LAMC1: variants seen among roughly 807,000 people sequenced by gnomAD.
The protein encoded by LAMC1 is laminin subunit gamma-1.
LAMC1 carries 38 observed loss-of-function variants against 173.6 expected under a neutral mutation model. The ratio of observed to expected loss-of-function variants is 0.22; its 90% CI spans 0.17 to 0.29. The LOEUF is 0.29. LAMC1 is among the 10% of genes least tolerant of loss of function. The probability of loss-of-function intolerance (pLI) is 1.00; values close to 1 mark genes in which losing one functional copy is unlikely to be tolerated. For synonymous variants in LAMC1, 746 were observed against 749.1 expected (o/e 1.00, Z 0.07); for missense variants, 1,824 against 2,051.8 (o/e 0.89, Z 2.14).
In LAMC1 at chr1:183,023,743, G is replaced by A. The variant is rs1329107817; in HGVS notation, c.27G>A (p.Pro9=). 1.7e-6 allele frequency: 2 copies of A among 1,204,118 alleles called. No individual in the cohort carries two copies. Among genetic ancestry groups the A allele is most frequent in the African/African-American group, 1.6e-5 (1 of 62,736 alleles). 74.6% of individuals were successfully genotyped at this position (1,204,118 alleles called of 1,614,324 possible). A position where few individuals can be genotyped will look rare whatever the true frequency, so the allele number is the denominator to read the frequency against. The change falls in exon 1 of 28, where the codon CCG becomes CCA. Residue 9 remains proline, a synonymous_variant. Coordinates refer to ENST00000258341, the MANE Select transcript of LAMC1 (RefSeq NM_002293.4). ...TGAGAGGGAGCCATCGGGCCGCGCC[G>A]GCCCTGCGGCCCCGGGGGCGGCTCT... MRGSHRAA[P]ALRPRGRLWP... is the part of the protein sequence containing the mutation.
chr1:183,115,868 T>C (rs945045499), intron 6 of LAMC1, among the ~76,000 whole-genome samples: 1 of 152,074 alleles, frequency 6.6e-6, no homozygotes, highest in African/African-American at 2.4e-5. Context: ...TAAAAATGAC[T>C]TTAGGCTCAC....
chr1:183,056,180 C>T (rs1041670585), intron 1 of LAMC1, among the ~76,000 whole-genome samples: 3 of 152,224 alleles, frequency 2.0e-5, no homozygotes, highest in Non-Finnish European at 4.4e-5. Flanking sequence ...GCTTCAGCTG[C>T]CTGCTGCCAT....
intron 1 of LAMC1, among the ~76,000 whole-genome samples, chr1:183,099,446 T>C (rs915325292): frequency 6.6e-6 from 1 of 152,184 alleles, no homozygotes; most frequent in Non-Finnish European, 1.5e-5. Flanking sequence ...GGTGCAGCTG[T>C]GACCTCTGTG....
Position 183,115,484 on chromosome 1 carries a change from G to A in LAMC1, c.1211-36G>A, listed in dbSNP as rs754827502. 2.3e-5 allele frequency: 33 copies of A among 1,437,538 alleles called. 1 individual carries two copies. Among genetic ancestry groups the A allele is most frequent in the East Asian group, 4.6e-5 (2 of 43,886 alleles). The allele number at this position is 1,437,538 out of a possible 1,614,324, so 89.0% of individuals were successfully genotyped here. A position where few individuals can be genotyped will look rare whatever the true frequency, so the allele number is the denominator to read the frequency against. On this transcript the variant is annotated intron_variant, in intron 5 of 27. Transcript: ENST00000258341. ...ATTGATTTTACTTACGTATCTGGCC[G>A]AATTTTTGTTTGACAATAGGCATTT...
chr1:183,115,829 G>T (rs545034121), intron 6 of LAMC1, among the ~76,000 whole-genome samples, 192 bp downstream of exon 6: 1 of 152,156 alleles, frequency 6.6e-6, no homozygotes, highest in African/African-American at 2.4e-5. Flanking sequence ...AGTTTTAATG[G>T]GATGACTATC....
At chr1:183,089,325 T>C (rs1655508937) in intron 1 of LAMC1, among the ~76,000 whole-genome samples, 1 of 152,184 alleles carries the variant, frequency 6.6e-6, no homozygotes, top group Non-Finnish European at 1.5e-5. Context: ...TAATGTTTGC[T>C]CTCAATGTAA....
chr1:183,054,764 G>A (rs1039380138), intron 1 of LAMC1, among the ~76,000 whole-genome samples: 1 of 152,104 alleles, frequency 6.6e-6, no homozygotes. Context: ...GGAGCATTTG[G>A]CTTTGATTAA....
At chr1:183,052,369 CT>C (rs1283169217) in intron 1 of LAMC1, among the ~76,000 whole-genome samples, 4 of 151,986 alleles carry the variant, frequency 2.6e-5, no homozygotes, top group Non-Finnish European at 5.9e-5. Flanking sequence ...CAGTCTCACT[CT>C]GTCGCCCAGG....
chr1:183,092,662 G>A (rs1160609106), intron 1 of LAMC1, among the ~76,000 whole-genome samples: 1 of 152,110 alleles, frequency 6.6e-6, no homozygotes, highest in African/African-American at 2.4e-5. Context: ...GAACTGTTTG[G>A]GTACAGATAA....
At chr1:183,063,216 G>A (rs866631210) in intron 1 of LAMC1, among the ~76,000 whole-genome samples, 18 of 152,308 alleles carry the variant, frequency 1.2e-4, no homozygotes, top group South Asian at 1.0e-3. Context: ...TACATGTTGA[G>A]TCTAAATGAA....
intron 2 of LAMC1, among the ~76,000 whole-genome samples, chr1:183,107,597 G>A (rs1471987311): frequency 1.3e-5 from 2 of 152,182 alleles, no homozygotes; most frequent in Non-Finnish European, 2.9e-5. Flanking sequence ...TTGGGAGGCC[G>A]AGGCGGGTGT....
intron 1 of LAMC1, among the ~76,000 whole-genome samples, chr1:183,089,658 CTATT>C (rs1183993286): frequency 1.3e-5 from 2 of 152,140 alleles, no homozygotes; most frequent in Non-Finnish European, 2.9e-5. Flanking sequence ...AAAAAAATGA[CTATT>C]TAATCTATAA....
chr1:183,139,453 G>A (rs1377280354), intron 26 of LAMC1, among the ~76,000 whole-genome samples: 3 of 152,228 alleles, frequency 2.0e-5, no homozygotes, highest in Non-Finnish European at 4.4e-5. Flanking sequence ...CCCTGGCAGG[G>A]TCCTTTCTCC....
chr1:183,050,668 G>C (rs1193538739), intron 1 of LAMC1, among the ~76,000 whole-genome samples: 4 of 148,592 alleles, frequency 2.7e-5, no homozygotes, highest in African/African-American at 9.8e-5. Context: ...GAGGCTGGTG[G>C]ATCACATGAG....
chr1:183,135,182 C>A (rs1385675950), intron 24 of LAMC1, 26 bp downstream of exon 24: 41 of 1,393,256 alleles, frequency 2.9e-5, no homozygotes, highest in Non-Finnish European at 3.4e-5. Flanking sequence ...ATAACAGGGG[C>A]AAATGCTTCC....
chr1:183,052,280 G>A (rs140084292), intron 1 of LAMC1, among the ~76,000 whole-genome samples: 2 of 151,734 alleles, frequency 1.3e-5, no homozygotes, highest in Admixed American at 6.6e-5. Flanking sequence ...CCCAAACTCT[G>A]CTAATTGATA....
intron 1 of LAMC1, among the ~76,000 whole-genome samples, chr1:183,048,872 C>G (rs1025873723): frequency 2.0e-5 from 3 of 152,142 alleles, no homozygotes; most frequent in African/African-American, 7.2e-5. Context: ...CACAGGAAGC[C>G]AAAGCCCTCT....
chr1:183,064,869 C>T (rs1654836589), intron 1 of LAMC1, among the ~76,000 whole-genome samples: 1 of 152,170 alleles, frequency 6.6e-6, no homozygotes, highest in African/African-American at 2.4e-5. Flanking sequence ...CCTATCCCAG[C>T]AGCTCAGGAA....
intron 1 of LAMC1, among the ~76,000 whole-genome samples, chr1:183,067,451 T>C (rs781439462): frequency 6.6e-6 from 1 of 152,162 alleles, no homozygotes; most frequent in Non-Finnish European, 1.5e-5. Context: ...TCTGTACTTA[T>C]ATATATAGAT....
Sources: gnomAD v4.1 joint callset for allele counts (sites outside exome capture counted in the v4.1 genomes callset) on GRCh38, gnomAD v4.1.1 for gene constraint, MANE v1.5 for transcripts, NCBI Gene and HGNC (gene_info 2026-07-23, HGNC 2026-07-21) for gene names.